SCAMP5: variants seen among roughly 807,000 people sequenced by gnomAD.
SCAMP5 encodes secretory carrier membrane protein 5, also known as secretory carrier-associated membrane protein 5.
In SCAMP5, 7 loss-of-function variants were observed where a neutral mutation model predicts 28.3. The ratio of observed to expected loss-of-function variants is 0.25; its 90% CI spans 0.14 to 0.46. The LOEUF is 0.46. Among genes scored for constraint, SCAMP5 ranks in the 20% least tolerant of loss-of-function variants. The probability of loss-of-function intolerance (pLI) is 0.99; values close to 1 mark genes in which losing one functional copy is unlikely to be tolerated. For missense variants in SCAMP5, 192 were observed against 312.5 expected, an observed-to-expected ratio of 0.61 and a Z score of 2.91; for synonymous variants, 117 against 116.4, an observed-to-expected ratio of 1.00 and a Z score of -0.03.
In SCAMP5 at chr15:74,996,224, C is replaced by T. The variant is rs899551329; in HGVS notation, c.-49+551C>T. ...TTGCGAGGCGACGGGCGCGCTGGCC[C>T]AGGCCACCAGGCGGGCTCCATCAGG... On this transcript the variant is annotated intron_variant, in intron 1 of 6. Coordinates refer to ENST00000425597, the MANE Select transcript of SCAMP5 (RefSeq NM_138967.4). The surrounding 1 kb of genome is among the most constrained non-coding windows in gnomAD (Gnocchi z 4.1). The T allele has an allele frequency of 1.3e-5, 2 of 152,470 alleles. No individual in the cohort carries two copies. The highest frequency in any genetic ancestry group is 6.5e-5 in the Admixed American group (1 of 15,290). 9.4% of individuals were successfully genotyped at this position (152,470 alleles called of 1,614,324 possible). A position where few individuals can be genotyped will look rare whatever the true frequency, so the allele number is the denominator to read the frequency against.
intron 2 of SCAMP5, among the ~76,000 whole-genome samples, chr15:75,012,350 C>T (rs2065818911): frequency 1.3e-5 from 2 of 152,236 alleles, no homozygotes; most frequent in South Asian, 2.1e-4. Context: ...TAGATTCTCA[C>T]ACATCCGCTT....
chr15:75,005,559 T>A (rs1236328439), intron 1 of SCAMP5, among the ~76,000 whole-genome samples: 1 of 152,256 alleles, frequency 6.6e-6, no homozygotes, highest in Admixed American at 6.5e-5. Context: ...TGCCAATTTC[T>A]GTCTTTCATG....
chr15:75,015,135 C>A (rs565753207), intron 3 of SCAMP5, among the ~76,000 whole-genome samples: 4 of 151,898 alleles, frequency 2.6e-5, no homozygotes, highest in African/African-American at 9.7e-5. Context: ...ACTAGGCACC[C>A]GCAGGTGCTT....
At chr15:75,004,958 C>T (rs527658483) in intron 1 of SCAMP5, among the ~76,000 whole-genome samples, 3 of 152,232 alleles carry the variant, frequency 2.0e-5, no homozygotes, top group South Asian at 2.1e-4. Flanking sequence ...GGGCGGATCA[C>T]GAAGTCAAGA....
intron 3 of SCAMP5, chr15:75,013,076 A>G: frequency 6.1e-6 from 3 of 493,430 alleles, no homozygotes; most frequent in Non-Finnish European, 7.3e-6. Flanking sequence ...GAGCATCTGG[A>G]CAGGGGTCCC....
rs778345949 is a variant in SCAMP5, at chr15:75,018,803, C to T, written c.528C>T (p.Tyr176=). 1 of 1,605,546 alleles carries T rather than the reference C, an allele frequency of 6.2e-7. No individual in the cohort carries two copies. Among genetic ancestry groups the T allele is most frequent in the East Asian group, 2.2e-5 (1 of 44,844 alleles). ...TTTTCCTACAGGTTCATAAATTTTA[C>T]CGGGGAAGTGGGGGGAGTTTCAGCA... The part of the protein sequence containing the change: ...FIALSMVHKF[Y]RGSGGSFSKA... The change falls in exon 7 of 7, where the codon TAC becomes TAT. Residue 176 remains tyrosine (Y), a synonymous_variant. Transcript: ENST00000425597. The surrounding 1 kb of genome is among the most constrained non-coding windows in gnomAD (Gnocchi z 5.6).
chr15:74,996,758 G>T lies in SCAMP5; in HGVS notation c.-49+1085G>T, dbSNP rs2065657960. ...AGCAGGGCTCTGAAAGAGGGAGATGGTTCTTGCAGGGGCATGATTGGCAGA... is the reference window on the plus strand; with the variant it reads ...AGCAGGGCTCTGAAAGAGGGAGATGTTTCTTGCAGGGGCATGATTGGCAGA... On this transcript the variant is annotated intron_variant, in intron 1 of 6. Coordinates refer to ENST00000425597, the MANE Select transcript of SCAMP5 (RefSeq NM_138967.4). The surrounding 1 kb of genome is among the most constrained non-coding windows in gnomAD (Gnocchi z 4.1). 6.6e-6 allele frequency among the ~76,000 whole-genome samples: 1 copy of T among 152,222 alleles called. No individual in the cohort carries two copies. The highest frequency in any genetic ancestry group is 2.1e-4 in the South Asian group (1 of 4,834).
At position 75,019,891 on chromosome 15, in the gene SCAMP5, A is replaced by T. The variant is rs2065891671; in HGVS notation, c.*908A>T. The T allele has an allele frequency of 6.6e-6, 1 of 152,404 alleles. No homozygotes were observed. The highest frequency in any genetic ancestry group is 2.1e-4 in the South Asian group (1 of 4,832). The allele number at this position is 152,404 out of a possible 1,614,324, so 9.4% of individuals were successfully genotyped here. ...GAGTTTGATCTGCAGGGGCAGGCTC[A>T]TCTTTTCTCTCCCCTGCCTTCTCCT... On this transcript the variant is annotated 3_prime_UTR_variant, in exon 7 of 7. Coordinates refer to ENST00000425597, the MANE Select transcript of SCAMP5 (RefSeq NM_138967.4).
chr15:75,000,482 T>G (rs2065693776), intron 1 of SCAMP5, among the ~76,000 whole-genome samples: 1 of 151,972 alleles, frequency 6.6e-6, no homozygotes, highest in South Asian at 2.1e-4. Context: ...CCTCCTGGGT[T>G]CATGCCATTC....
chr15:75,013,910 A>G (rs1422018844), intron 3 of SCAMP5, among the ~76,000 whole-genome samples: 1 of 152,008 alleles, frequency 6.6e-6, no homozygotes, highest in African/African-American at 2.4e-5. Flanking sequence ...CTGAGAGTGT[A>G]AAGGCCTCAT....
In SCAMP5 at chr15:75,012,529, C is replaced by T. The variant is rs545091085; in HGVS notation, c.8-148C>T. ...TACTTTGGGATCATCACAGCTGACC[C>T]GGGGAGGTAGGGACGGCTGGGTGGG... On this transcript the variant is annotated intron_variant, in intron 2 of 6. Transcript: ENST00000425597. 42 of 835,946 alleles carry T rather than the reference C, an allele frequency of 5.0e-5. No individual in the cohort carries two copies. In the East Asian group the frequency reaches 8.9e-4, roughly 18 times the overall value. 51.8% of individuals were successfully genotyped at this position (835,946 alleles called of 1,614,324 possible). A position where few individuals can be genotyped will look rare whatever the true frequency, so the allele number is the denominator to read the frequency against.
At chr15:75,004,234 G>A (rs534031512) in intron 1 of SCAMP5, among the ~76,000 whole-genome samples, 137 of 152,112 alleles carry the variant, frequency 9.0e-4, no homozygotes, top group Non-Finnish European at 1.7e-3. Flanking sequence ...AGGATCTTGC[G>A]TTATTGCTCA....
chr15:75,006,087 T>C (rs2065756027), intron 1 of SCAMP5, among the ~76,000 whole-genome samples: 1 of 139,770 alleles, frequency 7.2e-6, no homozygotes, highest in Non-Finnish European at 1.5e-5. Context: ...AACCTCCGCC[T>C]CCCGGGTTCA....
Position 75,016,673 on chromosome 15 carries a change from C to G in SCAMP5, c.217C>G (p.Leu73Val). The G allele has an allele frequency of 6.2e-7, 1 of 1,613,842 alleles. No individual in the cohort carries two copies. ...IGGGGATNFG[L>V]AFLWLILFTP... is the part of the protein sequence containing the mutation. ...AGGCGGGGGAGCCACCAACTTTGGC[C>G]TCGCCTTTCTCTGGCTCATCCTCTT... is the stretch of plus-strand genomic sequence containing the variant. The change falls in exon 4 of 7, where the codon CTC (leucine) becomes GTC (valine). Residue 73 changes from leucine (L) to valine (V), a missense_variant. Leu to Val is a conservative substitution (Grantham distance 32). Coordinates refer to ENST00000425597, the MANE Select transcript of SCAMP5 (RefSeq NM_138967.4).
intron 1 of SCAMP5, among the ~76,000 whole-genome samples, chr15:75,004,592 T>C (rs998728463): frequency 6.6e-6 from 1 of 152,054 alleles, no homozygotes; most frequent in African/African-American, 2.4e-5. Context: ...TAGCTGGGCA[T>C]GATGGCACAC....
intron 1 of SCAMP5, among the ~76,000 whole-genome samples, chr15:75,004,976 A>T (rs993375886): frequency 6.6e-6 from 1 of 152,128 alleles, no homozygotes; most frequent in African/African-American, 2.4e-5. Context: ...AGAGATGGAG[A>T]CCATCCTGCC....
chr15:75,005,374 C>T (rs993983564), intron 1 of SCAMP5, among the ~76,000 whole-genome samples: 6 of 151,678 alleles, frequency 4.0e-5, no homozygotes, highest in African/African-American at 9.7e-5. Context: ...GCAGGAGAAT[C>T]GCTTGAACTT....
chr15:75,013,786 C>T (rs1244253283), intron 3 of SCAMP5, among the ~76,000 whole-genome samples: 1 of 152,170 alleles, frequency 6.6e-6, no homozygotes, highest in Non-Finnish European at 1.5e-5. Flanking sequence ...TATGATCATG[C>T]TACTGCACTC....
At position 75,017,909 on chromosome 15, in the gene SCAMP5, C is replaced by A. The variant is rs544243664; in HGVS notation, c.333C>A (p.Thr111=). 1 of 1,613,824 alleles carries A rather than the reference C, an allele frequency of 6.2e-7. No homozygotes were observed. ...TCAGTTTCATGGCATTCTTCTTTACCTTCATGGCTCAGTTGGTCATCAGCA... is the reference window on the plus strand; with the variant it reads ...TCAGTTTCATGGCATTCTTCTTTACATTCATGGCTCAGTTGGTCATCAGCA... ...SSFSFMAFFF[T]FMAQLVISII... The change falls in exon 5 of 7, where the codon ACC becomes ACA. Residue 111 remains threonine (T), a synonymous_variant. Coordinates refer to ENST00000425597, the MANE Select transcript of SCAMP5 (RefSeq NM_138967.4).
Sources: allele counts gnomAD v4.1 joint callset (sites outside exome capture counted in the v4.1 genomes callset), GRCh38; gene constraint gnomAD v4.1.1; non-coding constraint Gnocchi (gnomAD v3.1); transcripts MANE v1.5; gene names NCBI Gene and HGNC (gene_info 2026-07-23, HGNC 2026-07-21).